YIPF4: variants seen among roughly 807,000 people sequenced by gnomAD.
YIPF4 encodes protein YIPF4.
Under a neutral mutation model 29.4 loss-of-function variants are expected in YIPF4, and 18 were observed. The ratio of observed to expected loss-of-function variants is 0.61; its 90% CI spans 0.42 to 0.91. The LOEUF (loss-of-function observed/expected upper bound fraction) is 0.91. Among genes scored for constraint, YIPF4 ranks in the 40% least tolerant of loss-of-function variants. The probability of loss-of-function intolerance (pLI) is 0.00; values close to 1 mark genes in which losing one functional copy is unlikely to be tolerated. For synonymous variants in YIPF4, 115 were observed against 104.7 expected (o/e 1.10, Z -0.60); for missense variants, 279 against 282.7 (o/e 0.99, Z 0.09).
rs1275953043 is a variant in YIPF4 at position 32,310,618 on chromosome 2, C to G, written c.*4992C>G. 1.3e-5 allele frequency: 2 copies of G among 152,172 alleles called. No individual in the cohort carries two copies. Among genetic ancestry groups the G allele is most frequent in the African/African-American group, 4.8e-5 (2 of 41,416 alleles). 9.4% of individuals were successfully genotyped at this position (152,172 alleles called of 1,614,324 possible). On this transcript the variant is annotated 3_prime_UTR_variant, in exon 6 of 6. Transcript: ENST00000238831. Reference sequence around the variant, plus strand: ...TGTATGCCTGGGTACAGTATCATACCTGTAATCCCAGCACTTTGGAAGGCT... The same window carrying G: ...TGTATGCCTGGGTACAGTATCATACGTGTAATCCCAGCACTTTGGAAGGCT...
In YIPF4 at chr2:32,307,240, GT is replaced by G; in HGVS notation, c.*1616del. ...AAGAAATTGCTGAGGTTAATACTTT[GT>G]TATAATGGATTATAATATTTGACAT... On this transcript the variant is annotated 3_prime_UTR_variant, in exon 6 of 6. Transcript: ENST00000238831. 1.2e-6 allele frequency: 1 copy of G among 838,578 alleles called. No homozygotes were observed. The highest frequency in any genetic ancestry group is 1.6e-6 in the Non-Finnish European group (1 of 617,198). 51.9% of individuals were successfully genotyped at this position (838,578 alleles called of 1,614,324 possible).
At chr2:32,300,434 TAAAAAAAAAA>T (rs78248257) in intron 4 of YIPF4, among the ~76,000 whole-genome samples, 4 of 120,652 alleles carry the variant, frequency 3.3e-5, no homozygotes, top group East Asian at 2.3e-4. Flanking sequence ...ACTCCGTCTT[TAAAAAAAAAA>T]AAAAAAAAAA....
rs998414574 is a variant in YIPF4 at position 32,314,093 on chromosome 2, C to G, written c.*8467C>G. On this transcript the variant is annotated 3_prime_UTR_variant, in exon 6 of 6. Coordinates refer to ENST00000238831, the MANE Select transcript of YIPF4 (RefSeq NM_032312.4). ...ACATGTACCATAAGAGACATATGTA[C>G]AAGAATGTGCACAGTTAACATTATT... 2.0e-5 allele frequency: 3 copies of G among 152,096 alleles called. No homozygotes were observed. The highest frequency in any genetic ancestry group is 1.5e-5 in the Non-Finnish European group (1 of 68,030). 9.4% of individuals were successfully genotyped at this position (152,096 alleles called of 1,614,324 possible).
chr2:32,292,756 C>CT (rs1252923109), intron 3 of YIPF4, among the ~76,000 whole-genome samples: 1 of 149,366 alleles, frequency 6.7e-6, no homozygotes, highest in Non-Finnish European at 1.5e-5. Context: ...CCCAGCTACT[C>CT]GGGAAGCTGA....
chr2:32,289,148 T>C (rs1257495317), intron 1 of YIPF4, among the ~76,000 whole-genome samples: 2 of 152,184 alleles, frequency 1.3e-5, no homozygotes, highest in East Asian at 1.9e-4. Flanking sequence ...TCAAATCTGG[T>C]TATATTTTAT....
chr2:32,287,133 T>A (rs1203763944), intron 1 of YIPF4, among the ~76,000 whole-genome samples: 15 of 152,116 alleles, frequency 9.9e-5, no homozygotes, highest in Non-Finnish European at 1.9e-4. Flanking sequence ...TAATCCCAGC[T>A]ACTCGAGAGG....
Position 32,285,656 on chromosome 2 carries a change from C to CT in YIPF4, c.80-4811dup, listed in dbSNP as rs1177156259. ...TAGACAGAGGAATCTTTAGTTTTTC[C>CT]TTTTTTTTTTTTTTTTGGAGACGGA... On this transcript the variant is annotated intron_variant, in intron 1 of 5. Coordinates refer to ENST00000238831, the MANE Select transcript of YIPF4 (RefSeq NM_032312.4). Among the ~76,000 whole-genome samples the CT allele has an allele frequency of 6.9e-3, 953 of 137,854 alleles. 5 individuals carry two copies. Among genetic ancestry groups the CT allele is most frequent in the African/African-American group, 0.013 (486 of 37,840 alleles). The allele number at this position is 137,854 out of a possible 152,430, so 90.4% of individuals were successfully genotyped here.
chr2:32,296,546 TG>T (rs1353986081), intron 3 of YIPF4, among the ~76,000 whole-genome samples: 1 of 152,160 alleles, frequency 6.6e-6, no homozygotes, highest in Non-Finnish European at 1.5e-5. Context: ...TGGATTTCCT[TG>T]ATGTTTTCTC....
intron 1 of YIPF4, among the ~76,000 whole-genome samples, chr2:32,289,292 A>G (rs1263547800): frequency 6.6e-6 from 1 of 152,262 alleles, no homozygotes; most frequent in Non-Finnish European, 1.5e-5. Flanking sequence ...GCTGGGACTT[A>G]GCTTCAGAAT....
At chr2:32,279,535 C>G (rs1374100162) in intron 1 of YIPF4, among the ~76,000 whole-genome samples, 1 of 148,508 alleles carries the variant, frequency 6.7e-6, no homozygotes, top group Non-Finnish European at 1.5e-5. Flanking sequence ...GTAGCTGGGA[C>G]TACAGGCGCC....
rs796525748 is a variant in YIPF4, at chr2:32,291,424, G to A, written c.234-753G>A. On this transcript the variant is annotated intron_variant, in intron 2 of 5. Transcript: ENST00000238831. ...CCGGGCGTGGTGTCAGGGGCCTGTA[G>A]TCCCAGCTGCTCGGGTGGCTGAGGC... 7.2e-5 allele frequency among the ~76,000 whole-genome samples: 11 copies of A among 152,230 alleles called. 1 individual carries two copies. The highest frequency in any genetic ancestry group is 2.6e-4 in the African/African-American group (11 of 41,540).
chr2:32,283,044 TC>T (rs2030501578), intron 1 of YIPF4, among the ~76,000 whole-genome samples: 1 of 136,858 alleles, frequency 7.3e-6, no homozygotes, highest in South Asian at 2.2e-4. Context: ...GCCACTGCAC[TC>T]CCGCCTGGGC....
chr2:32,306,989 C>A lies in YIPF4; in HGVS notation c.*1363C>A. On this transcript the variant is annotated 3_prime_UTR_variant, in exon 6 of 6. Coordinates refer to ENST00000238831, the MANE Select transcript of YIPF4 (RefSeq NM_032312.4). ...TATCAAGCCCAGCCGTCTTCCTTTC[C>A]CCTAATCCCAAAAGGAAAGAAAGAA... 3.2e-6 allele frequency: 2 copies of A among 625,798 alleles called. No homozygotes were observed. Among genetic ancestry groups the A allele is most frequent in the Non-Finnish European group, 4.7e-6 (2 of 421,100 alleles). 38.8% of individuals were successfully genotyped at this position (625,798 alleles called of 1,614,324 possible).
chr2:32,284,337 C>T (rs538870041), intron 1 of YIPF4, among the ~76,000 whole-genome samples: 6 of 152,136 alleles, frequency 3.9e-5, no homozygotes, highest in Non-Finnish European at 7.4e-5. Flanking sequence ...TTTGCTTAAG[C>T]GAGTGTAATG....
In YIPF4 at chr2:32,307,423, A is replaced by C. The variant is rs2031614281; in HGVS notation, c.*1797A>C. On this transcript the variant is annotated 3_prime_UTR_variant, in exon 6 of 6. Transcript: ENST00000238831. Reference sequence around the variant, plus strand: ...ATCATTGCTTTAAGGTATGAATTTTAAAAATCACTTATATGGATCATGTTT... The same window carrying C: ...ATCATTGCTTTAAGGTATGAATTTTCAAAATCACTTATATGGATCATGTTT... 1 of 170,786 alleles carries C rather than the reference A, an allele frequency of 5.9e-6. No homozygotes were observed. The highest frequency in any genetic ancestry group is 1.3e-5 in the Non-Finnish European group (1 of 77,492). 10.6% of individuals were successfully genotyped at this position (170,786 alleles called of 1,614,324 possible). A position where few individuals can be genotyped will look rare whatever the true frequency, so the allele number is the denominator to read the frequency against.
chr2:32,297,400 C>T (rs1232298456), intron 3 of YIPF4, among the ~76,000 whole-genome samples: 2 of 151,976 alleles, frequency 1.3e-5, no homozygotes, highest in African/African-American at 2.4e-5. Flanking sequence ...GAATGACAGG[C>T]GTGAGCCACT....
intron 3 of YIPF4, among the ~76,000 whole-genome samples, chr2:32,293,924 G>A (rs1451909612): frequency 1.4e-5 from 2 of 147,862 alleles, no homozygotes; most frequent in Admixed American, 6.7e-5. Flanking sequence ...CGGACGGGGC[G>A]GCTGGCCGGG....
chr2:32,301,257 G>C, intron 4 of YIPF4, 125 bp from the exon 5 acceptor site: 1 of 648,762 alleles, frequency 1.5e-6, no homozygotes, highest in Non-Finnish European at 2.7e-6. Flanking sequence ...GAGTATAATA[G>C]TTTATGATTT....
Position 32,301,485 on chromosome 2 carries a change from C to T in YIPF4, c.587C>T (p.Thr196Ile), listed in dbSNP as rs1159488263. 1 of 1,604,396 alleles carries T rather than the reference C, an allele frequency of 6.2e-7. No homozygotes were observed. Among genetic ancestry groups the T allele is most frequent in the South Asian group, 1.1e-5 (1 of 90,636 alleles). ...GTTGGATCATTTGAAGTGGTGTCTACACTTATAAAAGTAAGTTAAGGATTA... is the reference window on the plus strand; with the variant it reads ...GTTGGATCATTTGAAGTGGTGTCTATACTTATAAAAGTAAGTTAAGGATTA... ...LVVGSFEVVS[T>I]LIKLFGVFWA... Residue 196 changes from threonine (T) to isoleucine (I), a missense_variant, in exon 5 of 6, where the codon ACA becomes ATA. Thr to Ile is a moderately conservative substitution (Grantham distance 89). Transcript: ENST00000238831.
Sources: allele counts gnomAD v4.1 joint callset (sites outside exome capture counted in the v4.1 genomes callset), GRCh38; gene constraint gnomAD v4.1.1; transcripts MANE v1.5; gene names NCBI Gene and HGNC (gene_info 2026-07-23, HGNC 2026-07-21).